The following CCDC30 variants were observed in gnomAD, a reference collection of about 807,000 sequenced individuals.
The protein encoded by CCDC30 is coiled-coil domain-containing protein 30.
A neutral mutation model predicts 100.2 loss-of-function variants in CCDC30; 70 were observed. The ratio of observed to expected loss-of-function variants is 0.70; its 90% CI spans 0.58 to 0.85. The LOEUF (loss-of-function observed/expected upper bound fraction) is 0.85. CCDC30 is among the 40% of genes least tolerant of loss of function. The probability of loss-of-function intolerance (pLI) is 0.00; values close to 1 mark genes in which losing one functional copy is unlikely to be tolerated. For missense variants in CCDC30, 652 were observed against 771.2 expected, an observed-to-expected ratio of 0.85 and a Z score of 1.83; for synonymous variants, 233 against 269.5, an observed-to-expected ratio of 0.86 and a Z score of 1.33.
intron 2 of CCDC30, among the ~76,000 whole-genome samples, chr1:42,480,986 G>A (rs1271297680): frequency 3.3e-5 from 5 of 151,792 alleles, no homozygotes; most frequent in Non-Finnish European, 7.4e-5. Flanking sequence ...GCTGGGTGTG[G>A]TGTAGTTCCA....
chr1:42,485,778 A>G (rs531660335), intron 3 of CCDC30, among the ~76,000 whole-genome samples: 1 of 152,206 alleles, frequency 6.6e-6, no homozygotes. Flanking sequence ...GAGGTGATAG[A>G]TGTGTTAATT....
At chr1:42,558,181 TG>T in intron 6 of CCDC30, 1 of 250,474 alleles carries the variant, frequency 4.0e-6, no homozygotes, top group Non-Finnish European at 8.6e-6. Flanking sequence ...ACTACTGTTC[TG>T]GTTTTTCCAT....
intron 6 of CCDC30, among the ~76,000 whole-genome samples, chr1:42,515,741 C>T (rs549675823): frequency 2.0e-5 from 3 of 152,274 alleles, no homozygotes; most frequent in South Asian, 4.1e-4. Context: ...TGGAAACCAC[C>T]ATTTTACTAT....
At chr1:42,553,950 A>G (rs866709355) in intron 6 of CCDC30, among the ~76,000 whole-genome samples, 1 of 152,024 alleles carries the variant, frequency 6.6e-6, no homozygotes, top group Non-Finnish European at 1.5e-5. Flanking sequence ...CCTAGACACA[A>G]TTTTTCTCCC....
In CCDC30 at chr1:42,539,268, A is replaced by G. The variant is rs769464479; in HGVS notation, c.457-27028A>G. On this transcript the variant is annotated intron_variant, in intron 6 of 16. Transcript: ENST00000668663. The stretch of plus-strand genomic sequence containing the variant: ...AAAGCAAAGACCATTTTTTAATAGC[A>G]TGTGACCTGTTACAAAGAGAGAATT... 6.2e-6 allele frequency: 10 copies of G among 1,608,194 alleles called. No individual in the cohort carries two copies. In the African/African-American group the frequency reaches 1.1e-4, roughly 17 times the overall value.
At chr1:42,621,204 G>A (rs2148657388) in intron 11 of CCDC30, among the ~76,000 whole-genome samples, 1 of 152,298 alleles carries the variant, frequency 6.6e-6, no homozygotes, top group Admixed American at 6.5e-5. Flanking sequence ...TACATGAGAT[G>A]TTTTGATACA....
intron 15 of CCDC30, among the ~76,000 whole-genome samples, chr1:42,651,528 G>A (rs552263744): frequency 3.3e-5 from 5 of 151,868 alleles, no homozygotes; most frequent in Non-Finnish European, 7.4e-5. Flanking sequence ...AACCACAATG[G>A]GATATCACCT....
intron 4 of CCDC30, among the ~76,000 whole-genome samples, chr1:42,490,785 A>T (rs1644125386): frequency 6.6e-6 from 1 of 152,162 alleles, no homozygotes; most frequent in South Asian, 2.1e-4. Flanking sequence ...TAGCTACATT[A>T]AGTATCAGAG....
chr1:42,645,646 T>C (rs1647821731), intron 14 of CCDC30, among the ~76,000 whole-genome samples: 1 of 152,200 alleles, frequency 6.6e-6, no homozygotes, highest in Non-Finnish European at 1.5e-5. Context: ...GGTGATTATT[T>C]CCAAGCTATA....
chr1:42,641,983 T>C (rs538832864), intron 12 of CCDC30, among the ~76,000 whole-genome samples: 2 of 152,288 alleles, frequency 1.3e-5, no homozygotes, highest in Admixed American at 6.5e-5. Context: ...CCCAGCAATT[T>C]GGGAGGCCAA....
At chr1:42,487,089 C>G (rs1024549873) in intron 3 of CCDC30, among the ~76,000 whole-genome samples, 2 of 115,210 alleles carry the variant, frequency 1.7e-5, no homozygotes, top group Non-Finnish European at 1.7e-5. Flanking sequence ...CCAACCTGAG[C>G]AACATAGTGA....
At chr1:42,559,317 C>T (rs964594866) in intron 6 of CCDC30, among the ~76,000 whole-genome samples, 2 of 152,204 alleles carry the variant, frequency 1.3e-5, no homozygotes, top group South Asian at 4.2e-4. Flanking sequence ...TGTAAATGAG[C>T]TAAATGCCCC....
chr1:42,570,981 T>A (rs1348445659), intron 7 of CCDC30: 1 of 152,344 alleles, frequency 6.6e-6, no homozygotes, highest in Non-Finnish European at 1.5e-5. Flanking sequence ...CTGATGTAGA[T>A]CCTCTTCTTG....
rs149592235 is a variant in CCDC30 at position 42,628,994 on chromosome 1, T to C, written c.1278-8243T>C. Among the ~76,000 whole-genome samples the C allele has an allele frequency of 4.4e-3, 665 of 152,372 alleles. 5 individuals are homozygous for C. The highest frequency in any genetic ancestry group is 0.032 in the South Asian group (155 of 4,832). On this transcript the variant is annotated intron_variant, in intron 11 of 16. Coordinates refer to ENST00000668663, the Ensembl canonical transcript of CCDC30. The stretch of plus-strand genomic sequence containing the variant: ...TGTTTATATCTTATTGTACTATGTC[T>C]TGAAAATTGTTGTAGTCATTATTTT...
chr1:42,479,937 A>G (rs1643931451), intron 1 of CCDC30, among the ~76,000 whole-genome samples: 1 of 152,080 alleles, frequency 6.6e-6, no homozygotes, highest in Non-Finnish European at 1.5e-5. Context: ...GACTGTGTGG[A>G]GTACAGCTGC....
At chr1:42,503,688 A>G (rs371949358) in intron 6 of CCDC30, among the ~76,000 whole-genome samples, 7 of 152,322 alleles carry the variant, frequency 4.6e-5, no homozygotes, top group Admixed American at 2.0e-4. Flanking sequence ...TTATTTGTCT[A>G]TGTCTGCAGC....
chr1:42,540,420 A>G (rs1371732668), intron 6 of CCDC30, among the ~76,000 whole-genome samples: 2 of 152,198 alleles, frequency 1.3e-5, no homozygotes, highest in Admixed American at 6.5e-5. Flanking sequence ...AATATCATTG[A>G]AAAAGTTAAC....
chr1:42,499,598 C>T (rs572786478), intron 6 of CCDC30, among the ~76,000 whole-genome samples: 2 of 152,206 alleles, frequency 1.3e-5, no homozygotes, highest in Admixed American at 1.3e-4. Flanking sequence ...GCTCCAGCCT[C>T]TCAAGTAGCT....
At chr1:42,641,185 C>T (rs1190210093) in intron 12 of CCDC30, among the ~76,000 whole-genome samples, 1 of 151,354 alleles carries the variant, frequency 6.6e-6, no homozygotes, top group African/African-American at 2.4e-5. Context: ...GATCCTAGCT[C>T]ATTGCAGCCT....
Sources: allele counts gnomAD v4.1 joint callset (sites outside exome capture counted in the v4.1 genomes callset), GRCh38; gene constraint gnomAD v4.1.1; transcripts MANE v1.5; gene names NCBI Gene and HGNC (gene_info 2026-07-23, HGNC 2026-07-21).